ZNF573: variants seen among roughly 807,000 people sequenced by gnomAD.
The protein encoded by ZNF573 is zinc finger protein 573.
In ZNF573, 41 loss-of-function variants were observed where a neutral mutation model predicts 57.4. That is an observed-to-expected ratio of 0.71 (90% confidence interval 0.56 to 0.93). The LOEUF (loss-of-function observed/expected upper bound fraction) is 0.93. Among genes scored for constraint, ZNF573 ranks in the 40% least tolerant of loss-of-function variants. The probability of loss-of-function intolerance (pLI) is 0.00; values close to 1 mark genes in which losing one functional copy is unlikely to be tolerated. For synonymous variants in ZNF573, 249 were observed against 261.0 expected (o/e 0.95, Z 0.44); for missense variants, 730 against 794.8 (o/e 0.92, Z 0.98).
chr19:37,768,985 G>A (rs1200127517), intron 4 of ZNF573, among the ~76,000 whole-genome samples: 1 of 151,084 alleles, frequency 6.6e-6, no homozygotes, highest in Non-Finnish European at 1.5e-5. Flanking sequence ...TTATTTTTGA[G>A]ACAGAGTCTT....
intron 4 of ZNF573, among the ~76,000 whole-genome samples, chr19:37,765,274 G>C (rs1174119867): frequency 6.6e-6 from 1 of 152,194 alleles, no homozygotes; most frequent in Non-Finnish European, 1.5e-5. Flanking sequence ...CTAGAGGCTA[G>C]ACTGTGGCCT....
Position 37,739,002 on chromosome 19 carries a change from T to C in ZNF573, c.1488A>G (p.Lys496=). The change falls in exon 5 of 5, where the codon AAA becomes AAG. Residue 496 remains lysine (K), a synonymous_variant. Transcript: ENST00000536220. The stretch of plus-strand genomic sequence containing the variant: ...TGCCACATTCCTTACATTTATAGGG[T>C]TTCTCACCAGTATGAGTTTTCCGAT... ...IQHRKTHTGE[K]PYKCKECGKT... 3 of 1,613,794 alleles carry C rather than the reference T, an allele frequency of 1.9e-6. No individual in the cohort carries two copies. Among genetic ancestry groups the C allele is most frequent in the Non-Finnish European group, 2.5e-6 (3 of 1,179,902 alleles).
chr19:37,746,738 C>T (rs2045386780), intron 4 of ZNF573, among the ~76,000 whole-genome samples: 2 of 152,222 alleles, frequency 1.3e-5, no homozygotes, highest in Admixed American at 6.5e-5. Context: ...CCCGCGCCTC[C>T]ACGCCCAGCT....
intron 4 of ZNF573, among the ~76,000 whole-genome samples, chr19:37,766,673 C>T (rs8112706): frequency 0.25 from 38,373 of 152,036 alleles, 5,489 homozygotes; most frequent in East Asian, 0.62. Context: ...GCCCTTCTGC[C>T]TCTGAGATAC....
intron 4 of ZNF573, among the ~76,000 whole-genome samples, chr19:37,749,697 T>C (rs1319297618): frequency 2.6e-5 from 4 of 152,146 alleles, no homozygotes; most frequent in Admixed American, 6.6e-5. Flanking sequence ...TTCAAACTAA[T>C]GTTACTGATG....
chr19:37,773,684 AAGACCTGATC>A lies in ZNF573; in HGVS notation c.36_45del (p.Ile13ThrfsTer6). On this transcript the variant is annotated frameshift_variant, in exon 2 of 5. Coordinates refer to ENST00000536220, the MANE Select transcript of ZNF573 (RefSeq NM_001172690.2). LOFTEE classifies it high-confidence loss of function. Reference sequence around the variant, plus strand: ...ACACAGGTCATGGTTTTAGAATTGTAAGACCTGATCAGTCCTACTTGGTGGGGTTCCAATA... The same window carrying A: ...ACACAGGTCATGGTTTTAGAATTGTAAGTCCTACTTGGTGGGGTTCCAATA... 1 of 1,535,778 alleles carries A rather than the reference AAGACCTGATC, an allele frequency of 6.5e-7. No individual in the cohort carries two copies. Among genetic ancestry groups the A allele is most frequent in the Non-Finnish European group, 8.7e-7 (1 of 1,146,674 alleles).
chr19:37,772,995 A>G (rs887876384), intron 2 of ZNF573: 2 of 981,040 alleles, frequency 2.0e-6, no homozygotes, highest in African/African-American at 1.8e-5. Flanking sequence ...GGAAATCAAC[A>G]TATTTACTCC....
At chr19:37,740,481 A>G in intron 4 of ZNF573, 1 of 461,986 alleles carries the variant, frequency 2.2e-6, no homozygotes, top group South Asian at 1.9e-5. Flanking sequence ...GACCAAGTGA[A>G]TTAAAACTGA....
chr19:37,775,442 A>G (rs10425609), intron 1 of ZNF573, among the ~76,000 whole-genome samples: 15 of 152,280 alleles, frequency 9.9e-5, no homozygotes, highest in African/African-American at 3.6e-4. Context: ...GAATCTAATC[A>G]ATGCCACGTC....
At chr19:37,773,967 C>T (rs182914181) in intron 1 of ZNF573, among the ~76,000 whole-genome samples, 173 of 152,134 alleles carry the variant, frequency 1.1e-3, no homozygotes, top group African/African-American at 3.8e-3. Flanking sequence ...AAGCCAGATC[C>T]AGACAAGATA....
At chr19:37,766,921 G>A (rs769979587) in intron 4 of ZNF573, among the ~76,000 whole-genome samples, 2 of 152,290 alleles carry the variant, frequency 1.3e-5, no homozygotes, top group African/African-American at 4.8e-5. Flanking sequence ...AGCTAATGGC[G>A]TTTGCTCATA....
intron 4 of ZNF573, among the ~76,000 whole-genome samples, chr19:37,756,511 G>T (rs1310857376): frequency 1.3e-5 from 2 of 152,136 alleles, no homozygotes; most frequent in East Asian, 1.9e-4. Flanking sequence ...CTTATGGGAA[G>T]AATGTTATAT....
At chr19:37,773,938 G>A (rs1256754955) in intron 1 of ZNF573, among the ~76,000 whole-genome samples, 187 bp from the exon 2 acceptor site, 4 of 152,062 alleles carry the variant, frequency 2.6e-5, no homozygotes, top group Non-Finnish European at 4.4e-5. Flanking sequence ...TAGTTTTAGA[G>A]TAAGTCAATG....
chr19:37,748,626 C>G (rs2045404134), intron 4 of ZNF573, among the ~76,000 whole-genome samples: 1 of 151,712 alleles, frequency 6.6e-6, no homozygotes, highest in South Asian at 2.1e-4. Context: ...AAGGTAACAC[C>G]AAGATAAAAA....
rs768338383 is a variant in ZNF573 at position 37,739,367 on chromosome 19, G to A, written c.1123C>T (p.Arg375Trp). ...TCACCAGTATGAATATTCTGATGCC[G>A]AGTAAGATTTCTATACAAAGTAAAG... ...KTFTLYRNLT[R>W]HQNIHTGEKL... Residue 375 changes from arginine to tryptophan, a missense_variant, in exon 5 of 5, where the codon CGG becomes TGG. Transcript: ENST00000536220. 11 of 1,613,610 alleles carry A rather than the reference G, an allele frequency of 6.8e-6. No homozygotes were observed. Among genetic ancestry groups the A allele is most frequent in the Admixed American group, 3.3e-5 (2 of 59,958 alleles).
intron 4 of ZNF573, among the ~76,000 whole-genome samples, chr19:37,758,242 TATATATATATATATATATATATA>T (rs2045513880): frequency 4.2e-5 from 3 of 72,020 alleles, no homozygotes; most frequent in Non-Finnish European, 2.8e-5. Context: ...TATATATATA[TATATATATATATATATATATATA>T]AAATTACCCA....
Position 37,738,357 on chromosome 19 carries a change from G to A in ZNF573, c.*135C>T. On this transcript the variant is annotated 3_prime_UTR_variant, in exon 5 of 5. Coordinates refer to ENST00000536220, the MANE Select transcript of ZNF573 (RefSeq NM_001172690.2). Reference sequence around the variant, plus strand: ...CATTAAAACAGGACTGACATTGAATGCTTTCTAATGTGGCAAGATCTGCAT... The same window carrying A: ...CATTAAAACAGGACTGACATTGAATACTTTCTAATGTGGCAAGATCTGCAT... 1.3e-6 allele frequency: 1 copy of A among 792,988 alleles called. No individual in the cohort carries two copies. The highest frequency in any genetic ancestry group is 4.2e-5 in the South Asian group (1 of 23,860). The allele number at this position is 792,988 out of a possible 1,614,324, so 49.1% of individuals were successfully genotyped here. A position where few individuals can be genotyped will look rare whatever the true frequency, so the allele number is the denominator to read the frequency against.
chr19:37,764,754 C>T (rs2145317942), intron 4 of ZNF573, among the ~76,000 whole-genome samples: 1 of 151,570 alleles, frequency 6.6e-6, no homozygotes, highest in South Asian at 2.1e-4. Context: ...CAGGTGCCCG[C>T]CACCACGCCC....
chr19:37,760,930 G>C lies in ZNF573; in HGVS notation c.295+9075C>G, dbSNP rs530751274. On this transcript the variant is annotated intron_variant, in intron 4 of 4. Coordinates refer to ENST00000536220, the MANE Select transcript of ZNF573 (RefSeq NM_001172690.2). The stretch of plus-strand genomic sequence containing the variant: ...GTGTACAAGCAGGCCGGGCGCAGTG[G>C]CTCACGCCTGTAATCCCAGCACTTT... 4.1e-3 allele frequency among the ~76,000 whole-genome samples: 630 copies of C among 152,292 alleles called. 5 individuals carry two copies. Among genetic ancestry groups the C allele is most frequent in the Non-Finnish European group, 6.1e-3 (418 of 68,030 alleles).
Sources: allele counts gnomAD v4.1 joint callset (sites outside exome capture counted in the v4.1 genomes callset), GRCh38; gene constraint gnomAD v4.1.1; transcripts MANE v1.5; gene names NCBI Gene and HGNC (gene_info 2026-07-23, HGNC 2026-07-21).